NAPB: variants seen among roughly 807,000 people sequenced by gnomAD.
The protein encoded by NAPB is NSF attachment protein beta, also known as beta-soluble NSF attachment protein.
In NAPB, 26 loss-of-function variants were observed where a neutral mutation model predicts 44.7. That is an observed-to-expected ratio of 0.58 (90% confidence interval 0.43 to 0.81). NAPB has a LOEUF of 0.81. Ranked by LOEUF, NAPB falls within the 30% of genes least tolerant of loss-of-function variation. NAPB has a pLI of 0.00. For synonymous variants in NAPB, 120 were observed against 116.8 expected, an observed-to-expected ratio of 1.03 and a Z score of -0.18; for missense variants, 315 against 356.4, an observed-to-expected ratio of 0.88 and a Z score of 0.94.
chr20:23,379,428 C>T lies in NAPB; in HGVS notation c.786+17G>A, dbSNP rs1210403478. The T allele has an allele frequency of 2.5e-6, 4 of 1,583,380 alleles. No homozygotes were observed. Among genetic ancestry groups the T allele is most frequent in the Non-Finnish European group, 2.6e-6 (3 of 1,166,750 alleles). ...AAATCTTCAAATAATGTACCATGTCCCAAAAGCATAACTTACTGCTTCAGT... is the reference window on the plus strand; with the variant it reads ...AAATCTTCAAATAATGTACCATGTCTCAAAAGCATAACTTACTGCTTCAGT... On this transcript the variant is annotated intron_variant, in intron 10 of 10. Coordinates refer to ENST00000377026, the MANE Select transcript of NAPB (RefSeq NM_022080.3).
chr20:23,384,254 A>C (rs1313445355), intron 7 of NAPB, among the ~76,000 whole-genome samples: 3 of 152,210 alleles, frequency 2.0e-5, no homozygotes, highest in African/African-American at 7.2e-5. Flanking sequence ...GAATAACTGT[A>C]CTTAGAAACA....
At chr20:23,386,153 T>C (rs1366552673) in intron 7 of NAPB, among the ~76,000 whole-genome samples, 1 of 152,074 alleles carries the variant, frequency 6.6e-6, no homozygotes, top group African/African-American at 2.4e-5. Flanking sequence ...TATAATAAAA[T>C]TGGGAAGTAG....
chr20:23,410,124 G>A (rs904020984), intron 1 of NAPB, among the ~76,000 whole-genome samples: 2 of 152,184 alleles, frequency 1.3e-5, no homozygotes, highest in African/African-American at 4.8e-5. Flanking sequence ...ATGGAGGTTT[G>A]GCAGTGAAAG....
chr20:23,408,708 G>A (rs891732308), intron 1 of NAPB, among the ~76,000 whole-genome samples: 6 of 152,152 alleles, frequency 3.9e-5, no homozygotes, highest in South Asian at 4.1e-4. Context: ...TTCTTCCGTG[G>A]AGGAGATGCA....
chr20:23,377,392 T>C lies in NAPB; in HGVS notation c.881A>G (p.Asp294Gly). ...KKSIQGDGEG[D>G]GDLK ...AAAAACATTTCATTTTAGGTCTCCA[T>C]CTCCTTCTCCATCCCCTTGGATGGA... The change falls in exon 11 of 11, where the codon GAT becomes GGT. Residue 294 changes from aspartate (D) to glycine (G), a missense_variant. This residue lies in a region of NAPB where 120 missense variants were observed against 130.5 expected (regional missense o/e 0.92). Transcript: ENST00000377026. 2 of 1,592,492 alleles carry C rather than the reference T, an allele frequency of 1.3e-6. No homozygotes were observed. The highest frequency in any genetic ancestry group is 1.7e-6 in the Non-Finnish European group (2 of 1,165,140).
At chr20:23,401,830 A>G (rs1196749269) in intron 2 of NAPB, among the ~76,000 whole-genome samples, 1 of 152,206 alleles carries the variant, frequency 6.6e-6, no homozygotes, top group Non-Finnish European at 1.5e-5. Flanking sequence ...GCAGTCAGTC[A>G]AGATTGTACC....
intron 1 of NAPB, among the ~76,000 whole-genome samples, chr20:23,416,481 A>G (rs191057964): frequency 5.9e-5 from 9 of 152,296 alleles, no homozygotes; most frequent in Admixed American, 2.6e-4. Flanking sequence ...ACTAAAAAAA[A>G]CAAGTTCTGA....
chr20:23,397,615 AG>A (rs1984468603), intron 2 of NAPB, among the ~76,000 whole-genome samples: 1 of 152,284 alleles, frequency 6.6e-6, no homozygotes, highest in Non-Finnish European at 1.5e-5. Context: ...TCCTACACTT[AG>A]CTGTCGGTGT....
At chr20:23,397,047 C>G (rs1984418988) in intron 3 of NAPB, 25 bp downstream of exon 3, 1 of 1,605,602 alleles carries the variant, frequency 6.2e-7, no homozygotes, top group Non-Finnish European at 8.5e-7. Flanking sequence ...ACAGAGATAG[C>G]ATGCTACATG....
At chr20:23,380,306 T>C (rs1441989904) in intron 8 of NAPB, among the ~76,000 whole-genome samples, 4 of 152,108 alleles carry the variant, frequency 2.6e-5, no homozygotes, top group African/African-American at 9.7e-5. Flanking sequence ...GAAAGAACAG[T>C]TTCTCTTACT....
chr20:23,399,911 A>T (rs1472506852), intron 2 of NAPB, among the ~76,000 whole-genome samples: 2 of 152,188 alleles, frequency 1.3e-5, no homozygotes, highest in African/African-American at 4.8e-5. Flanking sequence ...CTAGCCTTAG[A>T]TCATATCTGT....
chr20:23,417,083 C>CTTTTTT (rs567478910), intron 1 of NAPB, among the ~76,000 whole-genome samples: 1 of 134,216 alleles, frequency 7.5e-6, no homozygotes, highest in Non-Finnish European at 1.6e-5. Flanking sequence ...CACTGGCATT[C>CTTTTTT]TTTTTTTTTT....
In NAPB at chr20:23,397,293, A is replaced by C; in HGVS notation, c.179-105T>G. ...AGAAAAATTATATTCCACTGAAAAGAAGCATTCTAGTCAGAAGCAAAAATC... is the reference window on the plus strand; with the variant it reads ...AGAAAAATTATATTCCACTGAAAAGCAGCATTCTAGTCAGAAGCAAAAATC... On this transcript the variant is annotated intron_variant, in intron 2 of 10. Transcript: ENST00000377026. 9.6e-6 allele frequency: 13 copies of C among 1,358,966 alleles called. 1 individual carries two copies. The highest frequency in any genetic ancestry group is 3.2e-5 in the South Asian group (2 of 61,794). The allele number at this position is 1,358,966 out of a possible 1,614,324, so 84.2% of individuals were successfully genotyped here. A position where few individuals can be genotyped will look rare whatever the true frequency, so the allele number is the denominator to read the frequency against.
At chr20:23,413,712 T>C (rs181479374) in intron 1 of NAPB, among the ~76,000 whole-genome samples, 316 of 152,244 alleles carry the variant, frequency 2.1e-3, no homozygotes, top group African/African-American at 6.8e-3. Flanking sequence ...AATACATTTT[T>C]TAAAACTTAG....
intron 7 of NAPB, among the ~76,000 whole-genome samples, chr20:23,382,797 GA>G (rs2123139053): frequency 6.6e-6 from 1 of 152,268 alleles, no homozygotes; most frequent in Admixed American, 6.5e-5. Flanking sequence ...GAGCATCAAG[GA>G]CCCATGGGAT....
intron 10 of NAPB, among the ~76,000 whole-genome samples, chr20:23,377,987 G>A (rs770226218): frequency 6.6e-6 from 1 of 152,120 alleles, no homozygotes; most frequent in Non-Finnish European, 1.5e-5. Context: ...CTCCTGAGCT[G>A]TGATGAACAT....
intron 5 of NAPB, among the ~76,000 whole-genome samples, chr20:23,393,395 A>G (rs1200054581): frequency 6.6e-6 from 1 of 152,222 alleles, no homozygotes; most frequent in African/African-American, 2.4e-5. Context: ...TCACACAGTC[A>G]AAAGAGTGAA....
At chr20:23,419,271 T>G (rs931241178) in intron 1 of NAPB, among the ~76,000 whole-genome samples, 7 of 152,228 alleles carry the variant, frequency 4.6e-5, no homozygotes, top group Non-Finnish European at 1.0e-4. Flanking sequence ...AGAACTAAGA[T>G]GCATTAACTT....
intron 7 of NAPB, among the ~76,000 whole-genome samples, chr20:23,388,159 C>T (rs1225373840): frequency 1.3e-5 from 2 of 152,110 alleles, no homozygotes; most frequent in African/African-American, 4.8e-5. Flanking sequence ...ATTGGCTCTC[C>T]TGGGTCTTCA....
Sources: gnomAD v4.1 joint callset for allele counts (sites outside exome capture counted in the v4.1 genomes callset) on GRCh38, gnomAD v4.1.1 for gene constraint, gnomAD v4.1.1 regional missense constraint, MANE v1.5 for transcripts, NCBI Gene and HGNC (gene_info 2026-07-23, HGNC 2026-07-21) for gene names.